The following CDH2 variants were observed in gnomAD, a reference collection of about 807,000 sequenced individuals.
The protein encoded by CDH2 is cadherin 2, also known as cadherin-2.
CDH2 carries 17 observed loss-of-function variants against 92.0 expected under a neutral mutation model. That is an observed-to-expected ratio of 0.18 (90% CI 0.13 to 0.28). The LOEUF (loss-of-function observed/expected upper bound fraction) is 0.28. Ranked by LOEUF, CDH2 falls within the 10% of genes least tolerant of loss-of-function variation. The pLI is 1.00. For missense variants in CDH2, 862 were observed against 1,133.1 expected (o/e 0.76, Z 3.44); for synonymous variants, 419 against 415.9 (o/e 1.01, Z -0.09).
intron 11 of CDH2, among the ~76,000 whole-genome samples, chr18:27,987,629 G>T (rs978410842): frequency 4.6e-5 from 7 of 152,034 alleles, no homozygotes; most frequent in African/African-American, 1.7e-4. Flanking sequence ...TATAGTTGTG[G>T]TTCAGTTTTG....
chr18:28,133,275 A>C (rs956180383), intron 2 of CDH2, among the ~76,000 whole-genome samples: 2 of 152,108 alleles, frequency 1.3e-5, no homozygotes, highest in Non-Finnish European at 2.9e-5. Context: ...CTAAAAACTA[A>C]AGAAAATTTA....
At chr18:28,125,806 AT>A (rs1176847311) in intron 2 of CDH2, among the ~76,000 whole-genome samples, 3 of 152,088 alleles carry the variant, frequency 2.0e-5, no homozygotes, top group African/African-American at 7.2e-5. Context: ...CTCAGGTTTC[AT>A]TTACAATCCA....
chr18:28,032,505 T>G (rs1160442005), intron 2 of CDH2, among the ~76,000 whole-genome samples: 1 of 152,142 alleles, frequency 6.6e-6, no homozygotes, highest in Non-Finnish European at 1.5e-5. Context: ...TATGTAAATA[T>G]AAAAGTGTAG....
chr18:28,029,755 G>A (rs2013646743), intron 2 of CDH2, among the ~76,000 whole-genome samples: 1 of 152,020 alleles, frequency 6.6e-6, no homozygotes, highest in African/African-American at 2.4e-5. Context: ...CATCTTAGGT[G>A]CACGGCTGCT....
intron 2 of CDH2, among the ~76,000 whole-genome samples, chr18:28,017,912 C>T (rs534128350): frequency 9.2e-5 from 14 of 152,036 alleles, no homozygotes; most frequent in Middle Eastern, 3.4e-3. Context: ...AAGTCCTAGC[C>T]GGAGCAATCA....
chr18:27,972,793 C>T (rs2011699556), intron 14 of CDH2, among the ~76,000 whole-genome samples: 1 of 152,168 alleles, frequency 6.6e-6, no homozygotes. Flanking sequence ...AAGTCCTTGC[C>T]TTACAGAGCT....
At chr18:28,021,289 GAAC>G (rs1225108118) in intron 2 of CDH2, among the ~76,000 whole-genome samples, 1 of 151,854 alleles carries the variant, frequency 6.6e-6, no homozygotes, top group Non-Finnish European at 1.5e-5. Flanking sequence ...TTTCCTGAGA[GAAC>G]AACCTTCCTT....
chr18:27,951,961 C>A lies in CDH2; in HGVS notation c.*192G>T. The A allele has an allele frequency of 1.7e-6, 1 of 590,730 alleles. No individual in the cohort carries two copies. Among genetic ancestry groups the A allele is most frequent in the Non-Finnish European group, 3.0e-6 (1 of 330,966 alleles). The allele number at this position is 590,730 out of a possible 1,614,324, so 36.6% of individuals were successfully genotyped here. On this transcript the variant is annotated 3_prime_UTR_variant, in exon 16 of 16. Coordinates refer to ENST00000269141, the MANE Select transcript of CDH2 (RefSeq NM_001792.5). ...ACTGTAAAATTCAAGTGTAACTGAG[C>A]TCAGTGTTTTTCCAAACAGTATGGA... is the stretch of plus-strand genomic sequence containing the variant.
intron 2 of CDH2, among the ~76,000 whole-genome samples, chr18:28,035,738 A>G (rs563701070): frequency 1.8e-4 from 27 of 152,196 alleles, no homozygotes; most frequent in Non-Finnish European, 3.1e-4. Flanking sequence ...TTCATTGTAT[A>G]AAGTTCTTTG....
At chr18:27,945,510 C>A (rs1186453581) in intron 6 of CDH2, among the ~76,000 whole-genome samples, 3 of 151,828 alleles carry the variant, frequency 2.0e-5, no homozygotes, top group African/African-American at 4.8e-5. Flanking sequence ...AGTCTTCCAA[C>A]TTTTCCTTTG....
intron 2 of CDH2, among the ~76,000 whole-genome samples, chr18:28,021,460 CA>C (rs555752934): frequency 9.3e-5 from 14 of 151,166 alleles, no homozygotes; most frequent in East Asian, 5.8e-4. Flanking sequence ...ATGATTATGG[CA>C]AAAAAAATCA....
chr18:27,990,324 C>A lies in CDH2; in HGVS notation c.1371G>T (p.Met457Ile). The change falls in exon 10 of 16, where the codon ATG (methionine) becomes ATT (isoleucine). Residue 457 changes from methionine (M) to isoleucine (I), a missense_variant. Around this residue, in one of 5 missense-constraint regions of CDH2, gnomAD observed 564 missense variants for 722.2 expected, o/e 0.78. Coordinates refer to ENST00000269141, the MANE Select transcript of CDH2 (RefSeq NM_001792.5). ...VKPIDFETNR[M>I]FVLTVAAENQ... ...TTTCTGCAGCAACAGTAAGGACAAACATCCTATTTGTTTCAAAGTCGATTG... is the reference window on the plus strand; with the variant it reads ...TTTCTGCAGCAACAGTAAGGACAAAAATCCTATTTGTTTCAAAGTCGATTG... The A allele has an allele frequency of 1.2e-6, 2 of 1,613,090 alleles. No homozygotes were observed. The highest frequency in any genetic ancestry group is 1.7e-6 in the Non-Finnish European group (2 of 1,179,190).
intron 1 of CDH2, among the ~76,000 whole-genome samples, chr18:28,164,078 C>T (rs1568023639): frequency 1.3e-5 from 2 of 152,120 alleles, no homozygotes; most frequent in African/African-American, 2.4e-5. Flanking sequence ...TCCTCTATAT[C>T]GTATCCTCAT....
At chr18:28,071,868 A>T (rs572510848) in intron 2 of CDH2, among the ~76,000 whole-genome samples, 42 of 152,274 alleles carry the variant, frequency 2.8e-4, no homozygotes, top group Non-Finnish European at 4.6e-4. Context: ...TAATATGCCT[A>T]GGATAGTTCC....
At chr18:27,945,031 T>G (rs1256126516) in intron 6 of CDH2, among the ~76,000 whole-genome samples, 1 of 152,190 alleles carries the variant, frequency 6.6e-6, no homozygotes, top group African/African-American at 2.4e-5. Flanking sequence ...TACTAGAAAT[T>G]GAAGGTACTG....
intron 6 of CDH2, among the ~76,000 whole-genome samples, chr18:27,935,429 T>A (rs1029366001): frequency 4.6e-5 from 7 of 152,100 alleles, no homozygotes; most frequent in South Asian, 2.1e-4. Flanking sequence ...AGGGGGATAG[T>A]GCTAAACCAC....
intron 2 of CDH2, 122 bp from the exon 3 acceptor site, chr18:28,014,031 CAGA>C (rs2013175126): frequency 3.0e-6 from 2 of 657,068 alleles, no homozygotes; most frequent in Middle Eastern, 4.1e-4. Context: ...GCATGAAACA[CAGA>C]AGTTTTATTT....
chr18:28,125,517 A>C (rs530944572), intron 2 of CDH2, among the ~76,000 whole-genome samples: 4 of 152,278 alleles, frequency 2.6e-5, no homozygotes, highest in African/African-American at 9.6e-5. Flanking sequence ...TAATCCAAAA[A>C]ATGTGTTCTA....
chr18:27,953,939 T>C (rs1019959377), intron 15 of CDH2, among the ~76,000 whole-genome samples: 1 of 152,144 alleles, frequency 6.6e-6, no homozygotes, highest in Non-Finnish European at 1.5e-5. Context: ...GATGAAGATA[T>C]ATTTTAAGAA....
Sources: gnomAD v4.1 joint callset for allele counts (sites outside exome capture counted in the v4.1 genomes callset) on GRCh38, gnomAD v4.1.1 for gene constraint, gnomAD v4.1.1 regional missense constraint, MANE v1.5 for transcripts, NCBI Gene and HGNC (gene_info 2026-07-23, HGNC 2026-07-21) for gene names.